The following KLF12 variants were observed in gnomAD, a reference collection of about 807,000 sequenced individuals.
KLF12 encodes Krueppel-like factor 12.
KLF12 carries 9 observed loss-of-function variants against 37.8 expected under a neutral mutation model. The ratio of observed to expected loss-of-function variants is 0.24; its 90% CI spans 0.14 to 0.42. KLF12 has a LOEUF of 0.42. Among genes scored for constraint, KLF12 ranks in the 10% least tolerant of loss-of-function variants. The pLI is 1.00. For synonymous variants in KLF12, 208 were observed against 202.1 expected, an observed-to-expected ratio of 1.03 and a Z score of -0.25; for missense variants, 411 against 516.0, an observed-to-expected ratio of 0.80 and a Z score of 1.97.
At chr13:74,224,968 C>T in the KLF12 span, among the ~76,000 whole-genome samples, 1 of 151,986 alleles carries the variant, frequency 6.6e-6, no homozygotes, top group African/African-American at 2.4e-5. Flanking sequence ...TCAAATTTGC[C>T]CTTTATTTGA....
chr13:73,726,102 C>T (rs927695336), intron 6 of KLF12, among the ~76,000 whole-genome samples: 9 of 152,070 alleles, frequency 5.9e-5, no homozygotes, highest in African/African-American at 2.2e-4. Context: ...ATCCGCCCGC[C>T]TCGGCCTCCC....
At chr13:74,025,933 T>C (rs578126351) in intron 1 of KLF12, among the ~76,000 whole-genome samples, 2 of 152,226 alleles carry the variant, frequency 1.3e-5, no homozygotes, top group Admixed American at 6.5e-5. Context: ...AAAACATTAT[T>C]TGGTAAAATG....
chr13:74,135,670 G>A (rs1301890867), upstream of KLF12, among the ~76,000 whole-genome samples: 2 of 152,004 alleles, frequency 1.3e-5, no homozygotes, highest in South Asian at 2.1e-4. Context: ...TGAGCGCGGC[G>A]CTCCGGGCAC....
At chr13:73,774,437 G>A (rs1056063728) in intron 5 of KLF12, among the ~76,000 whole-genome samples, 6 of 151,972 alleles carry the variant, frequency 3.9e-5, no homozygotes, top group Admixed American at 6.6e-5. Flanking sequence ...GACCTGCATC[G>A]GCCCACACCT....
chr13:74,243,821 C>T, the KLF12 span, among the ~76,000 whole-genome samples: 1 of 152,172 alleles, frequency 6.6e-6, no homozygotes, highest in South Asian at 2.1e-4. Flanking sequence ...GGAATAGGGT[C>T]CATACTAAGA....
chr13:73,766,051 A>G (rs1274860482), intron 5 of KLF12, among the ~76,000 whole-genome samples: 1 of 152,202 alleles, frequency 6.6e-6, no homozygotes, highest in Non-Finnish European at 1.5e-5. Flanking sequence ...ACCCAGAGCC[A>G]GACTGCACTT....
At position 74,022,355 on chromosome 13, in the gene KLF12, C is replaced by A. The variant is rs1307069748; in HGVS notation, c.-31-27302G>T. Among the ~76,000 whole-genome samples, 4 of 152,030 alleles carry A rather than the reference C, an allele frequency of 2.6e-5. No individual in the cohort carries two copies. The East Asian group carries it at 5.8e-4, about 22-fold the overall frequency. On this transcript the variant is annotated intron_variant, in intron 1 of 7. Coordinates refer to ENST00000377669, the MANE Select transcript of KLF12 (RefSeq NM_007249.5). ...ATTATACAGACATTTTTATGTCCTG[C>A]ACAAAAATTATCTGTACTTATGTCT...
At position 73,715,346 on chromosome 13, in the gene KLF12, GAGA is replaced by G; in HGVS notation, c.1027+19_1027+21del. 6.2e-7 allele frequency: 1 copy of G among 1,604,930 alleles called. No homozygotes were observed. The highest frequency in any genetic ancestry group is 8.5e-7 in the Non-Finnish European group (1 of 1,175,788). ...TATGGACTCTCACTGGCTCACAGGT[GAGA>G]AGCCCTGCAGAGCGGTACCTGTATG... On this transcript the variant is annotated intron_variant, in intron 7 of 7. Transcript: ENST00000377669.
chr13:74,241,546 G>A, the KLF12 span, among the ~76,000 whole-genome samples: 2 of 152,126 alleles, frequency 1.3e-5, no homozygotes, highest in Non-Finnish European at 2.9e-5. Context: ...CCCCAGCCTC[G>A]CTGCCGCTGC....
chr13:74,263,377 A>G, the KLF12 span, among the ~76,000 whole-genome samples: 7 of 152,324 alleles, frequency 4.6e-5, no homozygotes, highest in East Asian at 1.2e-3. Context: ...GATTAAAGGA[A>G]CCATAAGATA....
chr13:74,241,718 T>G, the KLF12 span, among the ~76,000 whole-genome samples: 1 of 152,210 alleles, frequency 6.6e-6, no homozygotes, highest in African/African-American at 2.4e-5. Flanking sequence ...ATTTTCCAGG[T>G]GCCGTCCGTC....
In KLF12 at chr13:74,071,461, C is replaced by T. The variant is rs1010015984; in HGVS notation, c.-32+62278G>A. Among the ~76,000 whole-genome samples, 15 of 151,774 alleles carry T rather than the reference C, an allele frequency of 9.9e-5. No homozygotes were observed. The South Asian group carries it at 1.5e-3, about 15-fold the overall frequency. ...CAGCACTTTGGGAGGGTGAGGTGGG[C>T]GGATCACAAGGTCAGGAGATCGAGA... On this transcript the variant is annotated intron_variant, in intron 1 of 7. Transcript: ENST00000377669.
intron 3 of KLF12, among the ~76,000 whole-genome samples, chr13:73,910,903 A>C (rs1221063596): frequency 2.6e-5 from 4 of 152,214 alleles, no homozygotes; most frequent in Non-Finnish European, 5.9e-5. Context: ...AGGAAGAGAC[A>C]CATGAGCTAG....
At chr13:74,182,376 A>T in the KLF12 span, among the ~76,000 whole-genome samples, 184 of 152,330 alleles carry the variant, frequency 1.2e-3, no homozygotes, top group African/African-American at 4.4e-3. Context: ...GTCTATGGTT[A>T]TCAGAGAATT....
At chr13:74,073,140 G>C (rs1009190300) in intron 1 of KLF12, among the ~76,000 whole-genome samples, 1 of 152,180 alleles carries the variant, frequency 6.6e-6, no homozygotes, top group African/African-American at 2.4e-5. Flanking sequence ...GGCCGCCCGA[G>C]CCATGTAGAA....
intron 1 of KLF12, among the ~76,000 whole-genome samples, chr13:74,056,610 G>A (rs965540102): frequency 6.6e-6 from 1 of 152,106 alleles, no homozygotes; most frequent in Non-Finnish European, 1.5e-5. Context: ...CTACAAATAG[G>A]CTCAGAAAAG....
chr13:73,885,323 CT>C (rs1261532845), intron 3 of KLF12, among the ~76,000 whole-genome samples: 7 of 152,184 alleles, frequency 4.6e-5, no homozygotes, highest in Non-Finnish European at 7.3e-5. Context: ...TGATTCATTT[CT>C]CTTTCCTCAC....
intron 1 of KLF12, among the ~76,000 whole-genome samples, chr13:74,022,195 C>T (rs1354280981): frequency 6.6e-6 from 1 of 151,980 alleles, no homozygotes; most frequent in African/African-American, 2.4e-5. Flanking sequence ...GTCAATAACA[C>T]CACAGGCACA....
At chr13:74,012,562 G>C (rs1201329366) in intron 1 of KLF12, among the ~76,000 whole-genome samples, 1 of 152,158 alleles carries the variant, frequency 6.6e-6, no homozygotes, top group Non-Finnish European at 1.5e-5. Context: ...TTATGTTACA[G>C]TATCATCTGG....
Sources: allele counts gnomAD v4.1 joint callset (sites outside exome capture counted in the v4.1 genomes callset), GRCh38; gene constraint gnomAD v4.1.1; transcripts MANE v1.5; gene names NCBI Gene and HGNC (gene_info 2026-07-23, HGNC 2026-07-21).